Variants in TENM2 observed in about 807,000 individuals in gnomAD.
TENM2 encodes the protein teneurin transmembrane protein 2.
TENM2 carries 52 observed loss-of-function variants against 245.2 expected under a neutral mutation model. The observed-to-expected ratio is 0.21, with a 90% CI of 0.17 to 0.27. TENM2 has a LOEUF of 0.27. Ranked by LOEUF, TENM2 falls within the 10% of genes least tolerant of loss-of-function variation. The probability of loss-of-function intolerance (pLI) is 1.00; values close to 1 mark genes in which losing one functional copy is unlikely to be tolerated. For synonymous variants in TENM2, 1,363 were observed against 1,438.9 expected (o/e 0.95, Z 1.19); for missense variants, 3,046 against 3,666.8 (o/e 0.83, Z 4.37).
the TENM2 span, among the ~76,000 whole-genome samples, chr5:167,068,768 T>C: frequency 0.2 from 30,027 of 152,150 alleles, 4,117 homozygotes; most frequent in East Asian, 0.43. Flanking sequence ...CTGGTTTTGG[T>C]ATATACAGAC....
chr5:167,348,483 G>C (rs1758615890), intron 1 of TENM2, among the ~76,000 whole-genome samples: 1 of 152,182 alleles, frequency 6.6e-6, no homozygotes, highest in African/African-American at 2.4e-5. Context: ...TTGTCCTCCA[G>C]GGACTGTGGG....
chr5:167,927,930 C>G (rs529721817), intron 3 of TENM2, among the ~76,000 whole-genome samples: 1 of 152,172 alleles, frequency 6.6e-6, no homozygotes, highest in South Asian at 2.1e-4. Flanking sequence ...CATATGCCAA[C>G]GATGATAAAG....
chr5:167,328,015 G>C (rs1366119403), intron 1 of TENM2, among the ~76,000 whole-genome samples: 1 of 152,096 alleles, frequency 6.6e-6, no homozygotes, highest in Admixed American at 6.6e-5. Flanking sequence ...TGAATCAAAA[G>C]GGTTTGCAGA....
At chr5:167,552,125 G>C (rs1363872089) in intron 2 of TENM2, among the ~76,000 whole-genome samples, 1 of 152,192 alleles carries the variant, frequency 6.6e-6, no homozygotes, top group East Asian at 1.9e-4. Context: ...CTAGGCCATT[G>C]TCATTGCAAA....
rs181571467 is a variant in TENM2, at chr5:167,904,184, T to G, written c.712+27989T>G. 3.1e-3 allele frequency among the ~76,000 whole-genome samples: 475 copies of G among 152,334 alleles called. 2 individuals carry two copies. Among genetic ancestry groups the G allele is most frequent in the Non-Finnish European group, 5.2e-3 (353 of 68,024 alleles). On this transcript the variant is annotated intron_variant, in intron 3 of 28. Coordinates refer to ENST00000518659, the Ensembl canonical transcript of TENM2. ...ATTGTTTCCCCTAAATTAGATACTT[T>G]GTCTTAGAACTCTTGGAGAGTCAAT...
At position 167,695,689 on chromosome 5, in the gene TENM2, GTGGC is replaced by G. The variant is rs1757712316; in HGVS notation, c.503-180295_503-180292del. Among the ~76,000 whole-genome samples, 3 of 151,090 alleles carry G rather than the reference GTGGC, an allele frequency of 2.0e-5. No individual in the cohort carries two copies. The South Asian group carries it at 6.3e-4, about 32-fold the overall frequency. ...AAACATTTTATTTTACCCTCTATCT[GTGGC>G]TACTAAGTGAATTTCTACTTAGAAT... On this transcript the variant is annotated intron_variant, in intron 2 of 28. Coordinates refer to ENST00000518659, the Ensembl canonical transcript of TENM2.
chr5:168,162,788 T>A (rs767307960), intron 13 of TENM2, 31 bp downstream of exon 15: 6 of 1,610,342 alleles, frequency 3.7e-6, no homozygotes, highest in Non-Finnish European at 5.1e-6. Context: ...TCCCAGCCCC[T>A]AAGAGCAGAG....
the TENM2 span, among the ~76,000 whole-genome samples, chr5:167,035,323 G>C: frequency 6.6e-6 from 1 of 152,108 alleles, no homozygotes; most frequent in Non-Finnish European, 1.5e-5. Flanking sequence ...TATTAGATGA[G>C]TGATCCTCGA....
intron 2 of TENM2, among the ~76,000 whole-genome samples, chr5:167,711,485 C>T (rs572309390): frequency 8.7e-4 from 133 of 152,304 alleles, no homozygotes; most frequent in Non-Finnish European, 1.7e-3. Context: ...TCGGCCTGGA[C>T]CCCTGGGCCA....
chr5:167,070,133 T>TTTA, the TENM2 span, among the ~76,000 whole-genome samples: 1,792 of 147,868 alleles, frequency 0.012, 29 homozygotes, highest in Middle Eastern at 0.028. Context: ...TTATTTATTT[T>TTTA]TTGAGACAGA....
chr5:167,970,260 C>A (rs9313394), intron 4 of TENM2, among the ~76,000 whole-genome samples: 1 of 152,026 alleles, frequency 6.6e-6, no homozygotes, highest in Non-Finnish European at 1.5e-5. Flanking sequence ...ACTTCTCAAA[C>A]GTCCCACGAC....
At chr5:168,058,015 G>C (rs950051761) in intron 6 of TENM2, among the ~76,000 whole-genome samples, 2 of 152,150 alleles carry the variant, frequency 1.3e-5, no homozygotes, top group Non-Finnish European at 2.9e-5. Flanking sequence ...ACCTTTTACA[G>C]ACAATAGTGG....
chr5:168,086,131 A>G lies in TENM2; in HGVS notation c.1516-4443A>G, dbSNP rs76751666. 1.1e-3 allele frequency among the ~76,000 whole-genome samples: 171 copies of G among 152,152 alleles called. 1 individual carries two copies. The highest frequency in any genetic ancestry group is 3.9e-3 in the African/African-American group (160 of 41,502). ...ACCTTGCCCTCTCTGGCAGGTGTGTATCAATGTGGTTTCTAGAAGCATCTC... is the reference window on the plus strand; with the variant it reads ...ACCTTGCCCTCTCTGGCAGGTGTGTGTCAATGTGGTTTCTAGAAGCATCTC... On this transcript the variant is annotated intron_variant, in intron 7 of 28. Transcript: ENST00000518659.
At chr5:167,416,746 C>T (rs1763190696) in intron 2 of TENM2, among the ~76,000 whole-genome samples, 1 of 151,944 alleles carries the variant, frequency 6.6e-6, no homozygotes, top group African/African-American at 2.4e-5. Flanking sequence ...CAGTAATATT[C>T]AGTAGTACAA....
At chr5:167,896,215 C>A (rs1465828256) in intron 3 of TENM2, among the ~76,000 whole-genome samples, 1 of 152,178 alleles carries the variant, frequency 6.6e-6, no homozygotes, top group East Asian at 1.9e-4. Flanking sequence ...GATCAGTAGT[C>A]AGCTGGGGTG....
At chr5:167,107,333 A>G in the TENM2 span, among the ~76,000 whole-genome samples, 77 of 152,138 alleles carry the variant, frequency 5.1e-4, 1 homozygote, top group African/African-American at 1.8e-3. Context: ...AAAAAGAAAG[A>G]AAGAAAGAAA....
At chr5:167,603,696 T>C (rs1249102691) in intron 2 of TENM2, among the ~76,000 whole-genome samples, 1 of 151,994 alleles carries the variant, frequency 6.6e-6, no homozygotes, top group Non-Finnish European at 1.5e-5. Flanking sequence ...CAAAATAAAA[T>C]AAGAGTAGTC....
intron 2 of TENM2, among the ~76,000 whole-genome samples, chr5:167,507,464 T>C (rs1769632198): frequency 6.6e-6 from 1 of 152,162 alleles, no homozygotes; most frequent in Admixed American, 6.5e-5. Flanking sequence ...ATCTTTTATA[T>C]AAAATTTCCA....
At chr5:167,338,146 T>C (rs1377263218) in intron 1 of TENM2, among the ~76,000 whole-genome samples, 2 of 152,248 alleles carry the variant, frequency 1.3e-5, no homozygotes, top group Non-Finnish European at 2.9e-5. Flanking sequence ...ATATGCCCAC[T>C]GTGGTTATTC....
Sources: allele counts gnomAD v4.1 joint callset (sites outside exome capture counted in the v4.1 genomes callset), GRCh38; gene constraint gnomAD v4.1.1; transcripts MANE v1.5; gene names NCBI Gene and HGNC (gene_info 2026-07-23, HGNC 2026-07-21).